Variants in DHX16 observed in about 807,000 individuals in gnomAD.
The protein encoded by DHX16 is DEAH-box helicase 16.
DHX16 carries 81 observed loss-of-function variants against 131.2 expected under a neutral mutation model. The observed-to-expected ratio is 0.62, with a 90% CI of 0.52 to 0.74. The LOEUF (loss-of-function observed/expected upper bound fraction) is 0.74, where lower values mean the gene tolerates loss of function less well. Among genes scored for constraint, DHX16 ranks in the 30% least tolerant of loss-of-function variants. The pLI, the probability that DHX16 is intolerant of heterozygous loss-of-function variation, is 0.00. For synonymous variants in DHX16, 440 were observed against 520.2 expected (o/e 0.85, Z 2.10); for missense variants, 980 against 1,363.1 (o/e 0.72, Z 4.43).
chr6:30,672,925 G>A lies in DHX16; in HGVS notation c.-84C>T, dbSNP rs1015075560. On this transcript the variant is annotated 5_prime_UTR_variant, in exon 1 of 20. Transcript: ENST00000376442. The stretch of plus-strand genomic sequence containing the variant: ...GGCCGGTCAGAGGCCTGGAGCCCTC[G>A]GCTGGAGCCTCAGCTTCGCAAGTCA... 1.4e-5 allele frequency: 22 copies of A among 1,573,906 alleles called. No individual in the cohort carries two copies. The Admixed American group carries it at 2.6e-4, about 19-fold the overall frequency.
chr6:30,660,729 A>C (rs112197397), intron 9 of DHX16, among the ~76,000 whole-genome samples: 6,330 of 151,960 alleles, frequency 0.042, 306 homozygotes, highest in African/African-American at 0.11. Flanking sequence ...AAATACAAAA[A>C]AAATTAGCCA....
In DHX16 at chr6:30,659,722, A is replaced by G. The variant is rs780069742; in HGVS notation, c.1854+14T>C. 4 of 1,613,486 alleles carry G rather than the reference A, an allele frequency of 2.5e-6. No homozygotes were observed. The East Asian group carries it at 8.9e-5, about 36-fold the overall frequency. ...CTGGGATACATCATCCCCTCTCCCC[A>G]CCATGTCAGGCACCTGTCCTGTCAG... On this transcript the variant is annotated intron_variant, in intron 11 of 19. Coordinates refer to ENST00000376442, the MANE Select transcript of DHX16 (RefSeq NM_003587.5).
At chr6:30,657,183 T>A in intron 12 of DHX16, 91 bp from the exon 13 acceptor site, 1 of 1,367,092 alleles carries the variant, frequency 7.3e-7, no homozygotes. Flanking sequence ...AGTGAAGCAG[T>A]TGCAGTAAGG....
At chr6:30,669,960 G>A (rs1369832112) in intron 4 of DHX16, among the ~76,000 whole-genome samples, 1 of 152,020 alleles carries the variant, frequency 6.6e-6, no homozygotes, top group African/African-American at 2.4e-5. Flanking sequence ...CCACATAAGG[G>A]GTGCAGGAAT....
rs1767952585 is a variant in DHX16 at position 30,656,107 on chromosome 6, G to A, written c.2498+91C>T. The A allele has an allele frequency of 7.9e-7, 1 of 1,261,564 alleles. No homozygotes were observed. Among genetic ancestry groups the A allele is most frequent in the Admixed American group, 1.7e-5 (1 of 58,576 alleles). The allele number at this position is 1,261,564 out of a possible 1,614,324, so 78.1% of individuals were successfully genotyped here. A position where few individuals can be genotyped will look rare whatever the true frequency, so the allele number is the denominator to read the frequency against. On this transcript the variant is annotated intron_variant, in intron 16 of 19. Transcript: ENST00000376442. This position sits in a 1 kb window ranked among gnomAD's most constrained non-coding sequence, Gnocchi z 5.1. Reference sequence around the variant, plus strand: ...ATTATGTGTTAAGGGATAGTATGATGAACAGAAAAAGACAGACAAAGGGGA... The same window carrying A: ...ATTATGTGTTAAGGGATAGTATGATAAACAGAAAAAGACAGACAAAGGGGA...
intron 10 of DHX16, 75 bp from the exon 11 acceptor site, chr6:30,659,909 CA>C (rs1385599778): frequency 3.2e-6 from 5 of 1,560,978 alleles, no homozygotes; most frequent in Admixed American, 1.7e-5. Flanking sequence ...CCCAATTCAA[CA>C]TACACTTTAT....
chr6:30,661,452 AC>A (rs1461929179), intron 9 of DHX16, among the ~76,000 whole-genome samples: 3 of 152,190 alleles, frequency 2.0e-5, no homozygotes. Flanking sequence ...AGCAAGGCTG[AC>A]TGGGGGTAAT....
At chr6:30,661,790 C>T in intron 9 of DHX16, 1 of 717,858 alleles carries the variant, frequency 1.4e-6, no homozygotes, top group Admixed American at 2.0e-5. Context: ...AGCCATTCCA[C>T]AAAGCAGGCT....
chr6:30,661,628 A>C (rs936347076), intron 9 of DHX16: 10 of 646,580 alleles, frequency 1.5e-5, no homozygotes, highest in Non-Finnish European at 2.6e-5. Context: ...GTTTCCTCCT[A>C]ACTCAGTTAT....
Position 30,655,589 on chromosome 6 carries a change from C to CAGCT in DHX16, c.2503_2506dup (p.Cys836Ter). 2.5e-6 allele frequency: 4 copies of CAGCT among 1,613,106 alleles called. No homozygotes were observed. Among genetic ancestry groups the CAGCT allele is most frequent in the Non-Finnish European group, 3.4e-6 (4 of 1,180,040 alleles). ...AGCCACTGTCAGGATCTCCTCTGAA[C>CAGCT]AGCTGTACCTGGGACAGGAAGGGGA... On this transcript the variant is annotated stop_gained and frameshift_variant, in exon 17 of 20. Coordinates refer to ENST00000376442, the MANE Select transcript of DHX16 (RefSeq NM_003587.5). LOFTEE classifies it high-confidence loss of function.
At position 30,660,195 on chromosome 6, in the gene DHX16, A is replaced by T. The variant is rs1768372843; in HGVS notation, c.1592T>A (p.Ile531Asn). 1 of 1,563,848 alleles carries T rather than the reference A, an allele frequency of 6.4e-7. No homozygotes were observed. Among genetic ancestry groups the T allele is most frequent in the South Asian group, 1.2e-5 (1 of 83,222 alleles). ...AACATCCTTGATCAATCCAAAGAGAATGTCTGTGTGTAGGGTCCTTTCGTG... is the reference window on the plus strand; with the variant it reads ...AACATCCTTGATCAATCCAAAGAGATTGTCTGTGTGTAGGGTCCTTTCGTG... Reference protein sequence around the residue: ...EAHERTLHTDILFGLIKDVAR... With the variant: ...EAHERTLHTDNLFGLIKDVAR... Residue 531 changes from isoleucine to asparagine, a missense_variant, in exon 10 of 20, where the codon ATT becomes AAT. By Grantham distance (149) the Ile-to-Asn change is moderately radical (BLOSUM62 -3). Transcript: ENST00000376442.
At chr6:30,653,401 CT>C (rs773654815) in intron 19 of DHX16, 31 bp from the exon 20 acceptor site, 9 of 1,566,874 alleles carry the variant, frequency 5.7e-6, no homozygotes, top group Non-Finnish European at 7.7e-6. Context: ...ATGGAGTTCC[CT>C]TCTTTCCAAC....
chr6:30,667,418 T>C lies in DHX16; in HGVS notation c.667-1685A>G, dbSNP rs553313910. On this transcript the variant is annotated intron_variant, in intron 4 of 19. Coordinates refer to ENST00000376442, the MANE Select transcript of DHX16 (RefSeq NM_003587.5). ...TAACATGGTGAGACCCCATCTCTAC[T>C]AAAAATACAAAAAATTAGCCGGGCG... Among the ~76,000 whole-genome samples the C allele has an allele frequency of 5.9e-5, 9 of 151,850 alleles. No homozygotes were observed. The South Asian group carries it at 1.7e-3, about 28-fold the overall frequency.
Position 30,665,605 on chromosome 6 carries a change from G to C in DHX16, c.795C>G (p.His265Gln), listed in dbSNP as rs201025174. The C allele has an allele frequency of 1.2e-6, 2 of 1,612,940 alleles. No homozygotes were observed. The highest frequency in any genetic ancestry group is 1.7e-6 in the Non-Finnish European group (2 of 1,180,028). The change falls in exon 5 of 20, where the codon CAC becomes CAG. Residue 265 changes from histidine (H) to glutamine (Q), a missense_variant. Around this residue, in one of 3 missense-constraint regions of DHX16, gnomAD observed 457 missense variants for 554.8 expected, o/e 0.82. Transcript: ENST00000376442. The surrounding 1 kb of genome is among the most constrained non-coding windows in gnomAD (Gnocchi z 4.8). The stretch of plus-strand genomic sequence containing the variant: ...GCTTATATTTGAGCTCCTGCCGCTC[G>C]TGCCGGCTCAGCTCCACGTCCCCAA... ...FLFGDVELSRHERQELKYKRR... is the reference protein window; with the variant it reads ...FLFGDVELSRQERQELKYKRR...
rs1768627585 is a variant in DHX16 at position 30,662,697 on chromosome 6, C to T, written c.1474G>A (p.Val492Ile). The change falls in exon 9 of 20, where the codon GTC (valine) becomes ATC (isoleucine). Residue 492 changes from valine (V) to isoleucine (I), a missense_variant. Val to Ile is a conservative substitution (Grantham distance 29, BLOSUM62 3). Coordinates refer to ENST00000376442, the MANE Select transcript of DHX16 (RefSeq NM_003587.5). This position sits in a 1 kb window ranked among gnomAD's most constrained non-coding sequence, Gnocchi z 4.7. ...RFEDCTSERT[V>I]LRYMTDGMLL... ...ATCCCATCTGTCATGTAGCGGAGGACAGTTCGCTCTGATGTGCAGTCCTCA... is the reference window on the plus strand; with the variant it reads ...ATCCCATCTGTCATGTAGCGGAGGATAGTTCGCTCTGATGTGCAGTCCTCA... 6.2e-7 allele frequency: 1 copy of T among 1,612,988 alleles called. No individual in the cohort carries two copies. Among genetic ancestry groups the T allele is most frequent in the African/African-American group, 1.3e-5 (1 of 74,948 alleles).
rs750449295 is a variant in DHX16, at chr6:30,671,216, G to T, written c.266C>A (p.Ala89Asp). The T allele has an allele frequency of 9.3e-6, 15 of 1,612,936 alleles. No individual in the cohort carries two copies. The East Asian group carries it at 3.3e-4, about 36-fold the overall frequency. ...ATAAGATCGGTTCTTCTCCAGCAGG[G>T]CCCGGGCCTCTCGCTCTGCTGCCCG... is the stretch of plus-strand genomic sequence containing the variant. Reference protein sequence around the residue: ...PARAAEREARALLEKNRSYRL... With the variant: ...PARAAEREARDLLEKNRSYRL... The change falls in exon 2 of 20, where the codon GCC becomes GAC. Residue 89 changes from alanine to aspartate, a missense_variant. Ala to Asp is a moderately radical substitution (Grantham distance 126, BLOSUM62 -2). Around this residue, in one of 3 missense-constraint regions of DHX16, gnomAD observed 457 missense variants for 554.8 expected, o/e 0.82. Coordinates refer to ENST00000376442, the MANE Select transcript of DHX16 (RefSeq NM_003587.5).
In DHX16 at chr6:30,662,015, A is replaced by G; in HGVS notation, c.1544+612T>C. On this transcript the variant is annotated intron_variant, in intron 9 of 19. Coordinates refer to ENST00000376442, the MANE Select transcript of DHX16 (RefSeq NM_003587.5). This position sits in a 1 kb window ranked among gnomAD's most constrained non-coding sequence, Gnocchi z 4.7. ...TGACCCCACCCCCATTACATTCATG[A>G]ATCCCTTTTCCCCCTCAACACATGT... is the stretch of plus-strand genomic sequence containing the variant. The G allele has an allele frequency of 4.8e-6, 3 of 625,810 alleles. No individual in the cohort carries two copies. The South Asian group carries it at 5.4e-5, about 11-fold the overall frequency. The allele number at this position is 625,810 out of a possible 1,614,324, so 38.8% of individuals were successfully genotyped here. A position where few individuals can be genotyped will look rare whatever the true frequency, so the allele number is the denominator to read the frequency against.
Position 30,671,088 on chromosome 6 carries a change from G to A in DHX16, c.394C>T (p.Arg132Cys), listed in dbSNP as rs146582324. The change falls in exon 2 of 20, where the codon CGT becomes TGT. Residue 132 changes from arginine (R) to cysteine (C), a missense_variant. Coordinates refer to ENST00000376442, the MANE Select transcript of DHX16 (RefSeq NM_003587.5). Reference protein sequence around the residue: ...RKKRKHLRKKREEEEEEEASE... With the variant: ...RKKRKHLRKKCEEEEEEEASE... Reference sequence around the variant, plus strand: ...GCCTCTTCCTCCTCTTCTTCCTCACGCTTCTTCCTGAGGTGTTTCCGCTTT... The same window carrying A: ...GCCTCTTCCTCCTCTTCTTCCTCACACTTCTTCCTGAGGTGTTTCCGCTTT... 41 of 1,612,722 alleles carry A rather than the reference G, an allele frequency of 2.5e-5. No individual in the cohort carries two copies. In the African/African-American group the frequency reaches 3.3e-4, roughly 13 times the overall value.
At chr6:30,666,626 G>A (rs1769066019) in intron 4 of DHX16, among the ~76,000 whole-genome samples, 1 of 152,108 alleles carries the variant, frequency 6.6e-6, no homozygotes, top group African/African-American at 2.4e-5. Context: ...TGGCCAACAT[G>A]GTGAAATCCC....
Sources: allele counts gnomAD v4.1 joint callset (sites outside exome capture counted in the v4.1 genomes callset), GRCh38; gene constraint gnomAD v4.1.1; regional missense constraint gnomAD v4.1.1; non-coding constraint Gnocchi (gnomAD v3.1); transcripts MANE v1.5; gene names NCBI Gene and HGNC (gene_info 2026-07-23, HGNC 2026-07-21).